Variants in ADAM19 observed in about 807,000 individuals in gnomAD.
ADAM19 encodes the protein disintegrin and metalloproteinase domain-containing protein 19.
ADAM19 carries 65 observed loss-of-function variants against 114.7 expected under a neutral mutation model. The ratio of observed to expected loss-of-function variants is 0.57; its 90% CI spans 0.46 to 0.70. The LOEUF is 0.70. ADAM19 is among the 30% of genes least tolerant of loss of function. ADAM19 has a pLI of 0.00. For missense variants in ADAM19, 1,063 were observed against 1,204.7 expected (o/e 0.88, Z 1.74); for synonymous variants, 466 against 460.5 (o/e 1.01, Z -0.15).
At chr5:157,508,930 C>T (rs1755827849) in intron 9 of ADAM19, among the ~76,000 whole-genome samples, 1 of 152,232 alleles carries the variant, frequency 6.6e-6, no homozygotes, top group African/African-American at 2.4e-5. Flanking sequence ...GGGAGATCAG[C>T]TCATGTATTA....
Position 157,542,259 on chromosome 5 carries a change from G to GT in ADAM19, c.252-4269dup, listed in dbSNP as rs11327769. ...GATTAAGAAATCTGTATTTTTAATAGTTTTTTTTTTTTCAGGTGATTTATG... is the reference window on the plus strand; with the variant it reads ...GATTAAGAAATCTGTATTTTTAATAGTTTTTTTTTTTTTCAGGTGATTTATG... On this transcript the variant is annotated intron_variant, in intron 3 of 22. Transcript: ENST00000257527. Among the ~76,000 whole-genome samples the GT allele has an allele frequency of 5.0e-3, 723 of 145,404 alleles. 3 individuals are homozygous for GT. Among genetic ancestry groups the GT allele is most frequent in the African/African-American group, 0.013 (489 of 39,056 alleles).
chr5:157,530,767 G>A (rs748272226), intron 5 of ADAM19, 40 bp downstream of exon 5: 1 of 1,551,666 alleles, frequency 6.4e-7, no homozygotes, highest in Non-Finnish European at 8.9e-7. Flanking sequence ...CATTCCTGGG[G>A]AGAGTGCCCG....
Position 157,480,326 on chromosome 5 carries a change from G to A in ADAM19, c.*623C>T, listed in dbSNP as rs897086502. On this transcript the variant is annotated 3_prime_UTR_variant, in exon 23 of 23. Transcript: ENST00000257527. ...GTACCTGTCTGAGTCAGAGTGACCC[G>A]TGTGAATACAGGGATGCAGGGGTTT... The A allele has an allele frequency of 1.3e-5, 13 of 986,372 alleles. No homozygotes were observed. The highest frequency in any genetic ancestry group is 9.4e-5 in the South Asian group (2 of 21,330). The allele number at this position is 986,372 out of a possible 1,614,324, so 61.1% of individuals were successfully genotyped here. A position where few individuals can be genotyped will look rare whatever the true frequency, so the allele number is the denominator to read the frequency against.
intron 21 of ADAM19, among the ~76,000 whole-genome samples, 199 bp from the exon 22 acceptor site, chr5:157,482,142 A>G (rs1356767237): frequency 6.6e-6 from 1 of 152,238 alleles, no homozygotes; most frequent in Admixed American, 6.5e-5. Flanking sequence ...TATTAAAATT[A>G]CAAATAACCA....
Position 157,490,362 on chromosome 5 carries a change from G to C in ADAM19, c.2188C>G (p.Leu730Val), listed in dbSNP as rs2113695811. Residue 730 changes from leucine to valine, a missense_variant, in exon 19 of 23, where the codon CTA becomes GTA. Physicochemically the swap from Leu to Val is conservative, Grantham distance 32. Transcript: ENST00000257527. ...MYYCCRQNNK[L>V]GQLKPSALPS... Reference sequence around the variant, plus strand: ...AGAGCTGAGGGCTTGAGTTGGCCTAGTTTGTTGTTCTGTCTGCAGCAGTAG... The same window carrying C: ...AGAGCTGAGGGCTTGAGTTGGCCTACTTTGTTGTTCTGTCTGCAGCAGTAG... The C allele has an allele frequency of 6.2e-7, 1 of 1,614,108 alleles. No homozygotes were observed. Among genetic ancestry groups the C allele is most frequent in the East Asian group, 2.2e-5 (1 of 44,870 alleles).
At chr5:157,569,634 T>C (rs1223104226) in intron 2 of ADAM19, among the ~76,000 whole-genome samples, 1 of 152,100 alleles carries the variant, frequency 6.6e-6, no homozygotes, top group Non-Finnish European at 1.5e-5. Flanking sequence ...TGTATTATCC[T>C]GGCCAGAGTT....
chr5:157,491,997 T>C (rs1288236077), intron 16 of ADAM19, 85 bp from the exon 17 acceptor site: 1 of 1,351,046 alleles, frequency 7.4e-7, no homozygotes. Flanking sequence ...ACTTGGAACA[T>C]ATGAGGACCC....
chr5:157,566,459 G>T (rs1296099217), intron 2 of ADAM19: 1 of 152,144 alleles, frequency 6.6e-6, no homozygotes, highest in Admixed American at 6.5e-5. Flanking sequence ...CACAGTTTAA[G>T]AAAAGAACTT....
intron 3 of ADAM19, among the ~76,000 whole-genome samples, chr5:157,540,363 TA>T (rs1756884545): frequency 6.6e-6 from 1 of 152,190 alleles, no homozygotes. Context: ...GTTCAGAGTT[TA>T]ATAGTTCATT....
chr5:157,531,352 C>A (rs111367002), intron 4 of ADAM19, among the ~76,000 whole-genome samples: 43 of 152,262 alleles, frequency 2.8e-4, no homozygotes, highest in African/African-American at 9.6e-4. Flanking sequence ...TAGGGTCTTG[C>A]AGATGTAGTT....
chr5:157,482,342 A>G (rs569412646), intron 21 of ADAM19, among the ~76,000 whole-genome samples: 9 of 152,316 alleles, frequency 5.9e-5, no homozygotes, highest in Admixed American at 5.2e-4. Context: ...ATCTTCTCCC[A>G]TTCTGTAGGT....
Position 157,559,756 on chromosome 5 carries a change from A to G in ADAM19, c.251+4617T>C, listed in dbSNP as rs1239068350. Among the ~76,000 whole-genome samples the G allele has an allele frequency of 5.3e-5, 8 of 152,262 alleles. No individual in the cohort carries two copies. In the East Asian group the frequency reaches 1.5e-3, roughly 29 times the overall value. On this transcript the variant is annotated intron_variant, in intron 3 of 22. Transcript: ENST00000257527. ...TGGGTTGTGCAAACAGCAGTCTATAATTTCTGCTCTGTAGTTTCCCTTCTT... is the reference window on the plus strand; with the variant it reads ...TGGGTTGTGCAAACAGCAGTCTATAGTTTCTGCTCTGTAGTTTCCCTTCTT...
At chr5:157,534,738 C>A (rs1756716319) in intron 4 of ADAM19, among the ~76,000 whole-genome samples, 1 of 152,156 alleles carries the variant, frequency 6.6e-6, no homozygotes, top group Non-Finnish European at 1.5e-5. Flanking sequence ...ATTCTGACCA[C>A]AATCTTATGA....
chr5:157,503,008 G>T, intron 11 of ADAM19, 28 bp from the exon 12 acceptor site: 2 of 1,602,466 alleles, frequency 1.2e-6, no homozygotes, highest in Non-Finnish European at 1.7e-6. Context: ...TGGAATTAGT[G>T]GGGAGTTTGA....
intron 3 of ADAM19, among the ~76,000 whole-genome samples, chr5:157,549,706 A>G (rs1246198405): frequency 1.3e-5 from 2 of 152,216 alleles, no homozygotes; most frequent in African/African-American, 2.4e-5. Flanking sequence ...TCTCCCACAG[A>G]GTCTAAACTG....
chr5:157,542,676 G>A (rs944398379), intron 3 of ADAM19, among the ~76,000 whole-genome samples: 6 of 152,218 alleles, frequency 3.9e-5, no homozygotes, highest in East Asian at 3.9e-4. Flanking sequence ...GTGGTGGCGC[G>A]CACCTGTAAT....
intron 21 of ADAM19, among the ~76,000 whole-genome samples, chr5:157,484,891 G>A (rs556241966): frequency 1.3e-5 from 2 of 152,204 alleles, no homozygotes; most frequent in African/African-American, 2.4e-5. Context: ...GTTTGGGCAG[G>A]AGCCTCATCA....
chr5:157,485,154 G>T (rs1215827782), intron 21 of ADAM19, among the ~76,000 whole-genome samples: 2 of 152,280 alleles, frequency 1.3e-5, no homozygotes, highest in East Asian at 1.9e-4. Flanking sequence ...TTTCTCTTCT[G>T]CACATTTCTC....
chr5:157,500,439 T>C lies in ADAM19; in HGVS notation c.1309-777A>G, dbSNP rs114849601. ...AATATAACATGCGTATTTCTCCCTG[T>C]AACCATGTAGTCTTCTAAAATGGAC... On this transcript the variant is annotated intron_variant, in intron 12 of 22. Transcript: ENST00000257527. Among the ~76,000 whole-genome samples the C allele has an allele frequency of 8.8e-3, 1,345 of 152,350 alleles. 28 individuals are homozygous for C. The highest frequency in any genetic ancestry group is 0.03 in the African/African-American group (1,261 of 41,562).
Sources: gnomAD v4.1 joint callset for allele counts (sites outside exome capture counted in the v4.1 genomes callset) on GRCh38, gnomAD v4.1.1 for gene constraint, MANE v1.5 for transcripts, NCBI Gene and HGNC (gene_info 2026-07-23, HGNC 2026-07-21) for gene names.